UBE4B: variants seen among roughly 807,000 people sequenced by gnomAD.
UBE4B encodes ubiquitin conjugation factor E4 B.
Under a neutral mutation model 148.1 loss-of-function variants are expected in UBE4B, and 27 were observed. The ratio of observed to expected loss-of-function variants is 0.18; its 90% CI spans 0.13 to 0.25. UBE4B has a LOEUF of 0.25. Among genes scored for constraint, UBE4B ranks in the 10% least tolerant of loss-of-function variants. The probability of loss-of-function intolerance (pLI) is 1.00; values close to 1 mark genes in which losing one functional copy is unlikely to be tolerated. For synonymous variants in UBE4B, 596 were observed against 619.3 expected (o/e 0.96, Z 0.56); for missense variants, 1,170 against 1,662.4 (o/e 0.70, Z 5.15).
chr1:10,114,073 A>G (rs1261080757), intron 7 of UBE4B, among the ~76,000 whole-genome samples: 3 of 149,190 alleles, frequency 2.0e-5, no homozygotes, highest in East Asian at 1.9e-4. Flanking sequence ...TCAAAAAAAA[A>G]AAAAAGAAAA....
At chr1:10,078,517 C>T (rs1018467882) in intron 2 of UBE4B, among the ~76,000 whole-genome samples, 4 of 151,974 alleles carry the variant, frequency 2.6e-5, no homozygotes. Context: ...AGTTTCTTCC[C>T]CTATCTTTAG....
intron 3 of UBE4B, among the ~76,000 whole-genome samples, chr1:10,098,313 A>T (rs1570884019): frequency 1.3e-5 from 2 of 152,328 alleles, no homozygotes; most frequent in East Asian, 3.9e-4. Flanking sequence ...AAATCCTTAT[A>T]ATGTTGGTAG....
rs138736106 is a variant in UBE4B, at chr1:10,092,659, C to G, written c.212-2802C>G. Among the ~76,000 whole-genome samples the G allele has an allele frequency of 5.4e-3, 818 of 152,210 alleles. 10 individuals carry two copies. The highest frequency in any genetic ancestry group is 0.018 in the African/African-American group (763 of 41,566). On this transcript the variant is annotated intron_variant, in intron 2 of 27. Transcript: ENST00000343090. ...CCTGACAAACATGGTTAAACCCCAT[C>G]TCTACTAAAAGTACAAAAATTAGCT...
intron 23 of UBE4B, chr1:10,163,308 G>A (rs920490456): frequency 1.3e-5 from 2 of 152,186 alleles, no homozygotes; most frequent in Admixed American, 1.3e-4. Context: ...TTGGAACAAT[G>A]CAGAGAAGAT....
intron 25 of UBE4B, among the ~76,000 whole-genome samples, chr1:10,171,709 A>G (rs1235088869): frequency 1.3e-5 from 2 of 152,138 alleles, no homozygotes; most frequent in Non-Finnish European, 2.9e-5. Flanking sequence ...GTGAAACCCC[A>G]TCTCTACTAA....
intron 1 of UBE4B, among the ~76,000 whole-genome samples, chr1:10,068,322 A>T (rs976373710): frequency 2.0e-5 from 3 of 147,892 alleles, no homozygotes; most frequent in African/African-American, 7.5e-5. Context: ...GAGCCACTGC[A>T]CCTGGCACAG....
intron 9 of UBE4B, among the ~76,000 whole-genome samples, chr1:10,121,084 G>A (rs753299212): frequency 3.6e-4 from 54 of 152,068 alleles, no homozygotes; most frequent in Non-Finnish European, 7.1e-4. Flanking sequence ...ATATAATACG[G>A]CCAGGCGTGG....
chr1:10,089,493 A>G (rs1206568082), intron 2 of UBE4B, among the ~76,000 whole-genome samples: 1 of 149,632 alleles, frequency 6.7e-6, no homozygotes, highest in African/African-American at 2.5e-5. Context: ...ATCACTGAGA[A>G]CATGTCTCTG....
intron 1 of UBE4B, among the ~76,000 whole-genome samples, chr1:10,036,526 G>T (rs1040501967): frequency 1.3e-5 from 2 of 151,474 alleles, no homozygotes; most frequent in African/African-American, 2.4e-5. Context: ...TAGAGACGGG[G>T]GTCTTGCCAT....
intron 1 of UBE4B, among the ~76,000 whole-genome samples, chr1:10,046,339 G>T (rs1458162545): frequency 6.6e-6 from 1 of 152,122 alleles, no homozygotes; most frequent in African/African-American, 2.4e-5. Context: ...GACAACCCCG[G>T]ATCAACTTCA....
chr1:10,156,017 G>C (rs1306772614), intron 21 of UBE4B, among the ~76,000 whole-genome samples: 1 of 148,316 alleles, frequency 6.7e-6, no homozygotes, highest in Non-Finnish European at 1.5e-5. Flanking sequence ...GCTACAGAGT[G>C]AGACTCCATC....
chr1:10,159,181 G>T (rs766204778), intron 22 of UBE4B, among the ~76,000 whole-genome samples: 4 of 152,114 alleles, frequency 2.6e-5, no homozygotes, highest in Non-Finnish European at 5.9e-5. Context: ...GCAACAATTA[G>T]GTCAGAGTTG....
intron 1 of UBE4B, among the ~76,000 whole-genome samples, chr1:10,041,437 C>G (rs1257307761): frequency 6.7e-6 from 1 of 149,694 alleles, no homozygotes; most frequent in Non-Finnish European, 1.5e-5. Flanking sequence ...TGGGTTCAAG[C>G]AATTCTCCTG....
At chr1:10,115,972 G>A (rs574839894) in intron 7 of UBE4B, among the ~76,000 whole-genome samples, 155 of 152,330 alleles carry the variant, frequency 1.0e-3, no homozygotes, top group African/African-American at 3.1e-3. Context: ...ATCACAGAGT[G>A]AAATGTTGTT....
intron 10 of UBE4B, among the ~76,000 whole-genome samples, chr1:10,125,484 A>G (rs1170426416): frequency 6.6e-6 from 1 of 152,228 alleles, no homozygotes; most frequent in Non-Finnish European, 1.5e-5. Flanking sequence ...CTCCACGGAC[A>G]CTTTGTCATC....
In UBE4B at chr1:10,139,193, G is replaced by T. The variant is rs1416820213; in HGVS notation, c.2363+1988G>T. Among the ~76,000 whole-genome samples, 11 of 152,280 alleles carry T rather than the reference G, an allele frequency of 7.2e-5. No individual in the cohort carries two copies. In the East Asian group the frequency reaches 2.1e-3, roughly 29 times the overall value. On this transcript the variant is annotated intron_variant, in intron 17 of 27. Transcript: ENST00000343090. ...GACGGATCACCTGAGGTCAGGAGTT[G>T]GATGCTAGCCTGGCCAACATAGTGA...
At chr1:10,164,335 G>A (rs552832251) in intron 23 of UBE4B, among the ~76,000 whole-genome samples, 8 of 151,792 alleles carry the variant, frequency 5.3e-5, no homozygotes, top group Admixed American at 1.3e-4. Flanking sequence ...GCAACAGAGC[G>A]AGACTCCGTC....
intron 26 of UBE4B, chr1:10,179,193 T>A (rs551796891): frequency 1.7e-6 from 1 of 575,320 alleles, no homozygotes; most frequent in Non-Finnish European, 3.0e-6. Context: ...TCTTCTCTGT[T>A]CCCTCCCCCC....
intron 1 of UBE4B, among the ~76,000 whole-genome samples, chr1:10,051,067 C>CATG (rs1188776765): frequency 6.6e-6 from 1 of 152,064 alleles, no homozygotes; most frequent in African/African-American, 2.4e-5. Flanking sequence ...AGTGCAGTGG[C>CATG]ATTATCATAG....
Sources: gnomAD v4.1 joint callset for allele counts (sites outside exome capture counted in the v4.1 genomes callset) on GRCh38, gnomAD v4.1.1 for gene constraint, MANE v1.5 for transcripts, NCBI Gene and HGNC (gene_info 2026-07-23, HGNC 2026-07-21) for gene names.